SPAG5: variants seen among roughly 807,000 people sequenced by gnomAD.
SPAG5 encodes the protein sperm associated antigen 5.
A neutral mutation model predicts 145.4 loss-of-function variants in SPAG5; 99 were observed. The ratio of observed to expected loss-of-function variants is 0.68; its 90% CI spans 0.58 to 0.80. SPAG5 has a LOEUF of 0.80. SPAG5 is among the 30% of genes least tolerant of loss of function. SPAG5 has a pLI of 0.00. For missense variants in SPAG5, 1,192 were observed against 1,416.0 expected (o/e 0.84, Z 2.54); for synonymous variants, 477 against 525.4 (o/e 0.91, Z 1.26).
rs1471981057 is a variant in SPAG5 at position 28,591,987 on chromosome 17, C to A, written c.1257G>T (p.Leu419=). 1 of 1,613,604 alleles carries A rather than the reference C, an allele frequency of 6.2e-7. No homozygotes were observed. ...KHSTSETEQL[L]CGRPPDLTAL... ...AAGGACATAGGGGCGCTTACCCACA[C>A]AGGAGCTGCTCTGTCTCAGAAGTAC... The change falls in exon 3 of 24, where the codon CTG becomes CTT. Residue 419 remains leucine, a synonymous_variant. Transcript: ENST00000321765.
intron 8 of SPAG5, 34 bp from the exon 9 acceptor site, chr17:28,585,445 T>A (rs770988451): frequency 6.2e-7 from 1 of 1,613,768 alleles, no homozygotes; most frequent in Admixed American, 1.7e-5. Context: ...CGGGAACCCC[T>A]TCCCTTTGGA....
chr17:28,582,115 A>C (rs2070552994), intron 15 of SPAG5, among the ~76,000 whole-genome samples: 1 of 152,108 alleles, frequency 6.6e-6, no homozygotes, highest in Non-Finnish European at 1.5e-5. Context: ...CATTATTTCA[A>C]GCCTTCAAAA....
rs2070585970 is a variant in SPAG5, at chr17:28,586,442, G to A, written c.1495C>T (p.Gln499Ter). The change falls in exon 5 of 24, where the codon CAG (glutamine) becomes TAG (stop). Residue 499 changes from glutamine to a stop codon, truncating the protein, a stop_gained. Coordinates refer to ENST00000321765, the MANE Select transcript of SPAG5 (RefSeq NM_006461.4). LOFTEE classifies it high-confidence loss of function. Reference protein sequence around the residue: ...ESHEMGQALQQARNVMQSWVL... With the variant: ...ESHEMGQALQ ...TCACTTACCATGACATTTCTGGCCT[G>A]CTGTAGGGCCTGTCCCATCTCATGG... 1 of 1,613,452 alleles carries A rather than the reference G, an allele frequency of 6.2e-7. No homozygotes were observed. The highest frequency in any genetic ancestry group is 8.5e-7 in the Non-Finnish European group (1 of 1,179,442).
intron 5 of SPAG5, 24 bp from the exon 6 acceptor site, chr17:28,586,206 T>A (rs775108166): frequency 6.3e-7 from 1 of 1,585,620 alleles, no homozygotes; most frequent in Admixed American, 1.7e-5. Flanking sequence ...AATGGGTAGG[T>A]GAGATCAAAT....
rs764884168 is a variant in SPAG5, at chr17:28,583,996, CAA to C, written c.2413-12_2413-11del. ...TCTCCTGGTCTGCAAACTGGGAAGA[CAA>C]GAGAAGGAGCAAGACAGGGAGGGAG... On this transcript the variant is annotated splice_polypyrimidine_tract_variant and intron_variant, in intron 13 of 23. Coordinates refer to ENST00000321765, the MANE Select transcript of SPAG5 (RefSeq NM_006461.4). 2.5e-6 allele frequency: 4 copies of C among 1,613,932 alleles called. No individual in the cohort carries two copies. The highest frequency in any genetic ancestry group is 2.5e-6 in the Non-Finnish European group (3 of 1,179,996).
At position 28,583,638 on chromosome 17, in the gene SPAG5, G is replaced by C. The variant is rs188669726; in HGVS notation, c.2558C>G (p.Ala853Gly). Reference protein sequence around the residue: ...DTVENLTAKLASTIADNQEQD... With the variant: ...DTVENLTAKLGSTIADNQEQD... ...CTCCTGGTTATCTGCTATGGTGCTG[G>C]CCAGTTTAGCCCTGAAATAAGGAAC... Residue 853 changes from alanine (A) to glycine (G), a missense_variant, in exon 15 of 24, where the codon GCC becomes GGC. Around this residue, in one of 5 missense-constraint regions of SPAG5, gnomAD observed 709 missense variants for 840.7 expected, o/e 0.84. Transcript: ENST00000321765. The C allele has an allele frequency of 6.9e-6, 11 of 1,604,684 alleles. No homozygotes were observed. In the East Asian group the frequency reaches 2.5e-4, roughly 36 times the overall value.
In SPAG5 at chr17:28,598,952, A is replaced by T. The variant is rs765291574; in HGVS notation, c.-6T>A. 6.2e-7 allele frequency: 1 copy of T among 1,613,880 alleles called. No homozygotes were observed. Among genetic ancestry groups the T allele is most frequent in the Non-Finnish European group, 8.5e-7 (1 of 1,179,876 alleles). ...AGTTTTTTCACTCGCCACATCTTCA[A>T]CCAGAAGGCAGGCCTATCACGTCTC... On this transcript the variant is annotated 5_prime_UTR_variant, in exon 1 of 24. It adds an upstream start codon to the 5' untranslated region. Coordinates refer to ENST00000321765, the MANE Select transcript of SPAG5 (RefSeq NM_006461.4).
intron 4 of SPAG5, among the ~76,000 whole-genome samples, chr17:28,588,809 G>C (rs953109651): frequency 3.9e-5 from 6 of 152,084 alleles, no homozygotes; most frequent in Admixed American, 2.6e-4. Context: ...AGCCACCCAA[G>C]TAGCTGGGAT....
rs1273613276 is a variant in SPAG5 at position 28,585,600 on chromosome 17, C to T, written c.1794G>A (p.Gln598=). The change falls in exon 8 of 24, where the codon CAG becomes CAA. Residue 598 remains glutamine (Q), a synonymous_variant. Transcript: ENST00000321765. ...GCATGGATGCTAGGTCCTGTTCCAGCTGGCTGATGCGCTGGCTGGCGTGTG... is the reference window on the plus strand; with the variant it reads ...GCATGGATGCTAGGTCCTGTTCCAGTTGGCTGATGCGCTGGCTGGCGTGTG... ...FCAHASQRIS[Q]LEQDLASMRE... 1 of 1,614,156 alleles carries T rather than the reference C, an allele frequency of 6.2e-7. No individual in the cohort carries two copies. The highest frequency in any genetic ancestry group is 2.2e-5 in the East Asian group (1 of 44,868).
At position 28,591,878 on chromosome 17, in the gene SPAG5, G is replaced by A. The variant is rs372336914; in HGVS notation, c.1263-6C>T. 11 of 1,613,194 alleles carry A rather than the reference G, an allele frequency of 6.8e-6. No homozygotes were observed. Among genetic ancestry groups the A allele is most frequent in the African/African-American group, 6.7e-5 (5 of 74,884 alleles). ...CAGTCAGATCTGGAGGCCGGCTGCA[G>A]CAGAAAGAGAAGAACATGACGAAAA... On this transcript the variant is annotated splice_polypyrimidine_tract_variant and splice_region_variant and intron_variant, in intron 3 of 23. Transcript: ENST00000321765.
intron 4 of SPAG5, among the ~76,000 whole-genome samples, chr17:28,590,543 C>T (rs950108545): frequency 5.3e-5 from 8 of 151,996 alleles, no homozygotes; most frequent in African/African-American, 1.9e-4. Flanking sequence ...CCTTTCCATT[C>T]TGACAGATGT....
chr17:28,593,668 G>A (rs745985974), intron 2 of SPAG5, among the ~76,000 whole-genome samples: 5 of 151,968 alleles, frequency 3.3e-5, no homozygotes, highest in African/African-American at 4.8e-5. Flanking sequence ...AGGTTGCAGT[G>A]AGCCAAAATC....
At chr17:28,598,283 G>A (rs1431565549) in intron 2 of SPAG5, among the ~76,000 whole-genome samples, 1 of 152,190 alleles carries the variant, frequency 6.6e-6, no homozygotes, top group Non-Finnish European at 1.5e-5. Flanking sequence ...GAAGGGAGGA[G>A]GAGGAGGTAA....
intron 2 of SPAG5, among the ~76,000 whole-genome samples, chr17:28,596,281 A>T (rs2070664511): frequency 6.6e-6 from 1 of 152,184 alleles, no homozygotes; most frequent in African/African-American, 2.4e-5. Context: ...AGCTGACTGC[A>T]TCTGGAGGTA....
At position 28,598,547 on chromosome 17, in the gene SPAG5, G is replaced by A. The variant is rs1054331207; in HGVS notation, c.140C>T (p.Ser47Phe). Residue 47 changes from serine (S) to phenylalanine (F), a missense_variant, in exon 2 of 24, where the codon TCC becomes TTC. Ser to Phe is a radical substitution (Grantham distance 155). This residue lies in a region of SPAG5 where 329 missense variants were observed against 354.0 expected (regional missense o/e 0.93). Transcript: ENST00000321765. The part of the protein sequence containing the change: ...TNSGKRSPAC[S>F]SLTPSLCKLG... ...CTTGCACAGTGATGGGGTCAGCGAGGAGCAAGCGGGGGATCTTTTTCCAGA... is the reference window on the plus strand; with the variant it reads ...CTTGCACAGTGATGGGGTCAGCGAGAAGCAAGCGGGGGATCTTTTTCCAGA... 6.2e-7 allele frequency: 1 copy of A among 1,613,846 alleles called. No individual in the cohort carries two copies. Among genetic ancestry groups the A allele is most frequent in the Non-Finnish European group, 8.5e-7 (1 of 1,179,986 alleles).
At position 28,583,930 on chromosome 17, in the gene SPAG5, T is replaced by C. The variant is rs1392140460; in HGVS notation, c.2469A>G (p.Gln823=). ...AHLELGQVEC[Q]LKTTLEVLRE... is the part of the protein sequence containing the mutation. ...GGAGCACTTCCAGTGTGGTTTTCAA[T>C]TGACACTCAACCTGACCCAGCTCCA... The change falls in exon 14 of 24, where the codon CAA becomes CAG. Residue 823 remains glutamine, a synonymous_variant. Transcript: ENST00000321765. 1.2e-6 allele frequency: 2 copies of C among 1,614,150 alleles called. No individual in the cohort carries two copies. The highest frequency in any genetic ancestry group is 1.7e-6 in the Non-Finnish European group (2 of 1,180,030).
Position 28,584,474 on chromosome 17 carries a change from C to T in SPAG5, c.2168G>A (p.Arg723Gln), listed in dbSNP as rs140086700. 8.1e-6 allele frequency: 13 copies of T among 1,613,560 alleles called. No homozygotes were observed. Among genetic ancestry groups the T allele is most frequent in the East Asian group, 4.5e-5 (2 of 44,886 alleles). Residue 723 changes from arginine (R) to glutamine (Q), a missense_variant, in exon 12 of 24, where the codon CGG (arginine) becomes CAG (glutamine). Arg to Gln is a conservative substitution (Grantham distance 43). Coordinates refer to ENST00000321765, the MANE Select transcript of SPAG5 (RefSeq NM_006461.4). ...GTTGGCCAGAATCTGCAACTGAGCC[C>T]GGAGATCTAGAACAAAAGTATCCTA... ...LENSRLATDL[R>Q]AQLQILANMD...
At position 28,592,984 on chromosome 17, in the gene SPAG5, G is replaced by A. The variant is rs2151522974; in HGVS notation, c.260C>T (p.Ser87Leu). The A allele has an allele frequency of 6.2e-7, 1 of 1,614,196 alleles. No individual in the cohort carries two copies. The highest frequency in any genetic ancestry group is 2.2e-5 in the East Asian group (1 of 44,890). ...ATGCTGACAAGTTTCTAGCCACTTTGAGGAATGACTGAAATGTTCTGAAGA... is the reference window on the plus strand; with the variant it reads ...ATGCTGACAAGTTTCTAGCCACTTTAAGGAATGACTGAAATGTTCTGAAGA... The part of the protein sequence containing the change: ...DLSSEHFSHS[S>L]KWLETCQHES... The change falls in exon 3 of 24, where the codon TCA becomes TTA. Residue 87 changes from serine to leucine, a missense_variant. This residue lies in a region of SPAG5 where 329 missense variants were observed against 354.0 expected (regional missense o/e 0.93). Coordinates refer to ENST00000321765, the MANE Select transcript of SPAG5 (RefSeq NM_006461.4).
chr17:28,592,941 A>T lies in SPAG5; in HGVS notation c.303T>A (p.Pro101=), dbSNP rs767097533. 6 of 1,614,184 alleles carry T rather than the reference A, an allele frequency of 3.7e-6. No individual in the cohort carries two copies. Among genetic ancestry groups the T allele is most frequent in the Admixed American group, 3.3e-5 (2 of 60,016 alleles). ...ETCQHESDEQ[P]LDPIPQISST... ...AGCTAATTTGGGGAATTGGATCTAG[A>T]GGCTGCTCATCTGATTCATGCTGAC... Residue 101 remains proline (P), a synonymous_variant, in exon 3 of 24, where the codon CCT becomes CCA. Coordinates refer to ENST00000321765, the MANE Select transcript of SPAG5 (RefSeq NM_006461.4).
Sources: allele counts gnomAD v4.1 joint callset (sites outside exome capture counted in the v4.1 genomes callset), GRCh38; gene constraint gnomAD v4.1.1; regional missense constraint gnomAD v4.1.1; transcripts MANE v1.5; gene names NCBI Gene and HGNC (gene_info 2026-07-23, HGNC 2026-07-21).